The following DCC variants were observed in gnomAD, a reference collection of about 807,000 sequenced individuals.
DCC encodes netrin receptor DCC.
Under a neutral mutation model 172.5 loss-of-function variants are expected in DCC, and 58 were observed. The observed-to-expected ratio is 0.34, with a 90% confidence interval of 0.27 to 0.42. The LOEUF is 0.42. Ranked by LOEUF, DCC falls within the 10% of genes least tolerant of loss-of-function variation. The pLI is 1.00. For synonymous variants in DCC, 709 were observed against 644.5 expected, an observed-to-expected ratio of 1.10 and a Z score of -1.52; for missense variants, 1,740 against 1,791.0, an observed-to-expected ratio of 0.97 and a Z score of 0.51.
chr18:53,415,002 C>T (rs1259509299), intron 20 of DCC, among the ~76,000 whole-genome samples: 1 of 152,128 alleles, frequency 6.6e-6, no homozygotes, highest in Non-Finnish European at 1.5e-5. Flanking sequence ...ATGTAATAGA[C>T]ATAAACCCTG....
chr18:52,981,019 G>A (rs1220293355), intron 5 of DCC, among the ~76,000 whole-genome samples: 1 of 150,244 alleles, frequency 6.7e-6, no homozygotes, highest in Non-Finnish European at 1.5e-5. Flanking sequence ...CCAAATTTGA[G>A]CCTATACATT....
chr18:53,260,852 C>A (rs1413892086), intron 12 of DCC, among the ~76,000 whole-genome samples: 2 of 152,282 alleles, frequency 1.3e-5, no homozygotes, highest in Admixed American at 1.3e-4. Context: ...GGGCTCCACC[C>A]TGTTCGAGCT....
intron 2 of DCC, among the ~76,000 whole-genome samples, chr18:52,884,248 T>C (rs141111538): frequency 2.4e-4 from 37 of 152,290 alleles, no homozygotes; most frequent in Middle Eastern, 3.4e-3. Flanking sequence ...TATCTAGGTT[T>C]TGGAACTTCT....
chr18:53,528,831 T>C (rs1416661654), intron 28 of DCC, among the ~76,000 whole-genome samples: 1 of 152,130 alleles, frequency 6.6e-6, no homozygotes, highest in Non-Finnish European at 1.5e-5. Flanking sequence ...TACGTATTTT[T>C]TCATGTAAAA....
intron 21 of DCC, among the ~76,000 whole-genome samples, chr18:53,431,961 TTTAA>T (rs1451225840): frequency 7.2e-5 from 11 of 152,178 alleles, no homozygotes; most frequent in African/African-American, 2.4e-4. Context: ...CATAAATCCA[TTTAA>T]TTATTTAGAA....
At chr18:52,852,627 A>T (rs1328305519) in intron 2 of DCC, among the ~76,000 whole-genome samples, 2 of 144,014 alleles carry the variant, frequency 1.4e-5, no homozygotes, top group East Asian at 3.8e-4. Context: ...CCAAGTGTCT[A>T]TTTGGTTAAA....
intron 23 of DCC, among the ~76,000 whole-genome samples, chr18:53,451,714 T>TCTCTCTCTCTCTCTCTCTCTCTCTCTCC (rs2045415773): frequency 6.6e-6 from 1 of 151,458 alleles, no homozygotes; most frequent in African/African-American, 2.4e-5. Flanking sequence ...GCTCTTGCTC[T>TCTCTCTCTCTCTCTCTCTCTCTCTCTCC]CTCTCTCTCT....
chr18:53,369,383 G>A (rs10048229), intron 15 of DCC, among the ~76,000 whole-genome samples: 30,570 of 151,698 alleles, frequency 0.2, 3,327 homozygotes, highest in Middle Eastern at 0.33. Flanking sequence ...AGTTATATTT[G>A]CAAAATCTTA....
chr18:52,749,191 C>T (rs2036957136), intron 1 of DCC, among the ~76,000 whole-genome samples: 1 of 151,122 alleles, frequency 6.6e-6, no homozygotes, highest in African/African-American at 2.4e-5. Context: ...GACTCCATCG[C>T]CCAAAAAAAA....
intron 2 of DCC, among the ~76,000 whole-genome samples, chr18:52,783,361 T>TTTTTTTTTTTTTA (rs2037591293): frequency 9.3e-6 from 1 of 107,904 alleles, no homozygotes; most frequent in African/African-American, 3.6e-5. Context: ...TTTTTTTTTT[T>TTTTTTTTTTTTTA]ACAACACAAA....
chr18:52,581,408 G>C (rs1193496136), intron 1 of DCC, among the ~76,000 whole-genome samples: 1 of 152,102 alleles, frequency 6.6e-6, no homozygotes, highest in Non-Finnish European at 1.5e-5. Context: ...TTTACAACCT[G>C]CAAAATTCTG....
At chr18:53,214,591 A>C (rs2055815888) in intron 11 of DCC, among the ~76,000 whole-genome samples, 1 of 152,126 alleles carries the variant, frequency 6.6e-6, no homozygotes, top group Non-Finnish European at 1.5e-5. Flanking sequence ...ATGCCTGAGA[A>C]CTTTTCTATT....
At chr18:53,288,036 C>T (rs773144947) in intron 12 of DCC, among the ~76,000 whole-genome samples, 4 of 151,982 alleles carry the variant, frequency 2.6e-5, no homozygotes, top group Admixed American at 6.6e-5. Context: ...CATGTAAACA[C>T]GCATCATCTG....
At chr18:52,995,099 G>A (rs2041457242) in intron 5 of DCC, among the ~76,000 whole-genome samples, 1 of 151,990 alleles carries the variant, frequency 6.6e-6, no homozygotes, top group Non-Finnish European at 1.5e-5. Flanking sequence ...CCAGCAAACT[G>A]GTGTTAAAGT....
chr18:52,695,538 G>A (rs904121608), intron 1 of DCC, among the ~76,000 whole-genome samples: 2 of 152,186 alleles, frequency 1.3e-5, no homozygotes, highest in African/African-American at 4.8e-5. Flanking sequence ...GTTGTTTGCT[G>A]AACATGATTT....
At chr18:53,029,626 T>A (rs2042000989) in intron 5 of DCC, among the ~76,000 whole-genome samples, 1 of 149,114 alleles carries the variant, frequency 6.7e-6, no homozygotes, top group South Asian at 2.1e-4. Flanking sequence ...CTTTTTTTTA[T>A]CTTTGTATAG....
intron 5 of DCC, among the ~76,000 whole-genome samples, chr18:53,037,205 G>T (rs115237247): frequency 6.6e-6 from 1 of 151,938 alleles, no homozygotes. Context: ...CCTGGATTTC[G>T]TTTCTTTGTG....
At chr18:53,107,044 G>A (rs193035851) in intron 7 of DCC, among the ~76,000 whole-genome samples, 87 of 151,922 alleles carry the variant, frequency 5.7e-4, no homozygotes, top group Non-Finnish European at 8.8e-4. Flanking sequence ...GGTAAATTCT[G>A]GATCTGTTTG....
At chr18:52,430,024 G>A (rs1487803824) in intron 1 of DCC, among the ~76,000 whole-genome samples, 1 of 152,080 alleles carries the variant, frequency 6.6e-6, no homozygotes, top group Non-Finnish European at 1.5e-5. Flanking sequence ...AGAGCATAAA[G>A]CAGATTTTAG....
Sources: gnomAD v4.1 joint callset for allele counts (sites outside exome capture counted in the v4.1 genomes callset) on GRCh38, gnomAD v4.1.1 for gene constraint, MANE v1.5 for transcripts, NCBI Gene and HGNC (gene_info 2026-07-23, HGNC 2026-07-21) for gene names.